Variants in IL1RAPL1 observed in about 807,000 individuals in gnomAD.
The protein encoded by IL1RAPL1 is interleukin 1 receptor accessory protein like 1, also known as interleukin-1 receptor accessory protein-like 1.
A neutral mutation model predicts 48.4 loss-of-function variants in IL1RAPL1; 3 were observed. That is an observed-to-expected ratio of 0.06 (90% CI 0.03 to 0.16). The LOEUF is 0.16. Ranked by LOEUF, IL1RAPL1 falls within the 10% of genes least tolerant of loss-of-function variation. The probability of loss-of-function intolerance (pLI) is 1.00; values close to 1 mark genes in which losing one functional copy is unlikely to be tolerated. For missense variants in IL1RAPL1, 349 were observed against 530.6 expected (o/e 0.66, Z 3.36); for synonymous variants, 185 against 187.7 (o/e 0.99, Z 0.12).
intron 1 of IL1RAPL1, among the ~76,000 whole-genome samples, chrX:28,620,493 G>A (rs1362617249): frequency 2.7e-5 from 3 of 111,060 alleles, no homozygotes; most frequent in Non-Finnish European, 3.8e-5. Context: ...TCCTCTGGGC[G>A]ATGGTGAGGA....
intron 1 of IL1RAPL1, among the ~76,000 whole-genome samples, chrX:28,705,101 C>T (rs1935359963): frequency 9.0e-6 from 1 of 111,477 alleles, no homozygotes; most frequent in African/African-American, 3.3e-5. Context: ...TGTGGTTGGA[C>T]GTTGTTACAA....
At chrX:29,900,530 A>G (rs1932475319) in intron 6 of IL1RAPL1, among the ~76,000 whole-genome samples, 1 of 112,003 alleles carries the variant, frequency 8.9e-6, no homozygotes, top group African/African-American at 3.2e-5. Flanking sequence ...AAGCTGCTGT[A>G]TGTGTTTTAG....
At chrX:29,934,645 A>G (rs1422380934) in intron 8 of IL1RAPL1, among the ~76,000 whole-genome samples, 1 of 111,589 alleles carries the variant, frequency 9.0e-6, no homozygotes, top group Non-Finnish European at 1.9e-5. Context: ...CATTTACCTT[A>G]TCTCTCTTCC....
intron 5 of IL1RAPL1, among the ~76,000 whole-genome samples, chrX:29,508,447 AATGTGATTGG>A (rs1488309093): frequency 8.9e-6 from 1 of 112,292 alleles, no homozygotes; most frequent in East Asian, 2.8e-4. Flanking sequence ...TATTTTCTAA[AATGTGATTGG>A]TTTATATTTG....
intron 5 of IL1RAPL1, among the ~76,000 whole-genome samples, chrX:29,448,076 G>A (rs1289998364): frequency 1.8e-5 from 2 of 111,985 alleles, no homozygotes; most frequent in Admixed American, 1.9e-4. Context: ...AGTTAATTCT[G>A]GAGAGTTGGA....
intron 6 of IL1RAPL1, among the ~76,000 whole-genome samples, chrX:29,774,784 G>C (rs1239214275): frequency 2.7e-5 from 3 of 111,591 alleles, no homozygotes; most frequent in Non-Finnish European, 5.6e-5. Flanking sequence ...ACACAGGGTA[G>C]CTTCATTTGG....
At chrX:29,652,267 A>T (rs762654799) in intron 5 of IL1RAPL1, among the ~76,000 whole-genome samples, 8 of 112,132 alleles carry the variant, frequency 7.1e-5, no homozygotes, top group African/African-American at 2.6e-4. Flanking sequence ...ATCTCAATGG[A>T]AAGTTAAATG....
chrX:29,839,417 A>G (rs1231238104), intron 6 of IL1RAPL1, among the ~76,000 whole-genome samples: 3 of 112,296 alleles, frequency 2.7e-5, no homozygotes, highest in Admixed American at 9.4e-5. Flanking sequence ...TGTTAATGAT[A>G]TGTCATCCCA....
chrX:29,761,731 G>A (rs991889334), intron 6 of IL1RAPL1, among the ~76,000 whole-genome samples: 2 of 95,834 alleles, frequency 2.1e-5, no homozygotes, highest in Non-Finnish European at 4.1e-5. Flanking sequence ...TTATTTCCCC[G>A]ATTGTCAATT....
At chrX:29,390,126 A>G (rs758303972) in intron 3 of IL1RAPL1, among the ~76,000 whole-genome samples, 2 of 112,584 alleles carry the variant, frequency 1.8e-5, no homozygotes, top group Admixed American at 9.4e-5. Flanking sequence ...AAACTCTAAG[A>G]TGCTCTTTCC....
intron 1 of IL1RAPL1, among the ~76,000 whole-genome samples, chrX:28,608,955 G>T (rs964170744): frequency 8.9e-5 from 10 of 112,068 alleles, no homozygotes; most frequent in Non-Finnish European, 1.9e-5. Context: ...GTTCTTTAAA[G>T]AATGAAATAA....
At chrX:29,128,354 A>G (rs1270856316) in intron 2 of IL1RAPL1, among the ~76,000 whole-genome samples, 1 of 110,672 alleles carries the variant, frequency 9.0e-6, no homozygotes, top group Admixed American at 9.6e-5. Flanking sequence ...TTCACACCTC[A>G]CAGTCAGCTT....
intron 6 of IL1RAPL1, among the ~76,000 whole-genome samples, chrX:29,802,894 CAT>C (rs777394622): frequency 9.5e-4 from 64 of 67,559 alleles, no homozygotes; most frequent in South Asian, 6.7e-4. Context: ...TATATGTATA[CAT>C]ATATATGTGT....
chrX:28,833,481 CAT>C (rs775160173), intron 2 of IL1RAPL1, among the ~76,000 whole-genome samples: 3 of 111,875 alleles, frequency 2.7e-5, no homozygotes, highest in Non-Finnish European at 5.7e-5. Context: ...ACCTTGCCAA[CAT>C]GTGTTCTTTC....
intron 2 of IL1RAPL1, among the ~76,000 whole-genome samples, chrX:28,908,741 A>G (rs1170224328): frequency 8.9e-6 from 1 of 111,774 alleles, no homozygotes; most frequent in Non-Finnish European, 1.9e-5. Context: ...ACTGTATCCT[A>G]ACAAATTTTC....
chrX:28,773,832 T>G (rs1161919985), intron 1 of IL1RAPL1, among the ~76,000 whole-genome samples: 1 of 112,156 alleles, frequency 8.9e-6, no homozygotes, highest in Non-Finnish European at 1.9e-5. Context: ...GAAATATCTG[T>G]CTAAAAGTTA....
In IL1RAPL1 at chrX:29,782,888, A is replaced by ATTTTTTTTT. The variant is rs780831874; in HGVS notation, c.778+114410_778+114418dup. On this transcript the variant is annotated intron_variant, in intron 6 of 10. Coordinates refer to ENST00000378993, the MANE Select transcript of IL1RAPL1 (RefSeq NM_014271.4). Reference sequence around the variant, plus strand: ...GAAGATAAAATGGGTTGATCGTGACATTTTTTTTTTTTTTTTTTTTTTTTT... The same window carrying ATTTTTTTTT: ...GAAGATAAAATGGGTTGATCGTGACATTTTTTTTTTTTTTTTTTTTTTTTTTTTTTTTTT... Among the ~76,000 whole-genome samples, 15 of 31,076 alleles carry ATTTTTTTTT rather than the reference A, an allele frequency of 4.8e-4. 2 individuals carry two copies. The highest frequency in any genetic ancestry group is 1.0e-3 in the African/African-American group (8 of 7,856). The allele number at this position is 31,076 out of a possible 115,157, so 27.0% of individuals were successfully genotyped here. A position where few individuals can be genotyped will look rare whatever the true frequency, so the allele number is the denominator to read the frequency against.
chrX:29,144,938 A>T (rs1236678157), intron 2 of IL1RAPL1, among the ~76,000 whole-genome samples: 1 of 109,857 alleles, frequency 9.1e-6, no homozygotes, highest in East Asian at 2.9e-4. Flanking sequence ...TATGTTCACC[A>T]GGCTAGTCTT....
intron 6 of IL1RAPL1, among the ~76,000 whole-genome samples, chrX:29,727,941 T>C (rs1459602884): frequency 9.0e-6 from 1 of 110,908 alleles, no homozygotes; most frequent in Non-Finnish European, 1.9e-5. Context: ...TGTTATTTAT[T>C]TATTTATTTA....
Sources: allele counts gnomAD v4.1 joint callset (sites outside exome capture counted in the v4.1 genomes callset), GRCh38; gene constraint gnomAD v4.1.1; transcripts MANE v1.5; gene names NCBI Gene and HGNC (gene_info 2026-07-23, HGNC 2026-07-21).